Variants in PAPOLG observed in about 807,000 individuals in gnomAD.
PAPOLG encodes poly(A) polymerase gamma.
PAPOLG carries 40 observed loss-of-function variants against 99.0 expected under a neutral mutation model. The ratio of observed to expected loss-of-function variants is 0.40; its 90% CI spans 0.31 to 0.53. The LOEUF is 0.53. PAPOLG is among the 20% of genes least tolerant of loss of function. The pLI, the probability that PAPOLG is intolerant of heterozygous loss-of-function variation, is 0.41. For synonymous variants in PAPOLG, 310 were observed against 299.3 expected, an observed-to-expected ratio of 1.04 and a Z score of -0.37; for missense variants, 675 against 884.1, an observed-to-expected ratio of 0.76 and a Z score of 3.00.
intron 7 of PAPOLG, among the ~76,000 whole-genome samples, chr2:60,773,163 G>T (rs1386199096): frequency 6.6e-6 from 1 of 152,140 alleles, no homozygotes; most frequent in Non-Finnish European, 1.5e-5. Flanking sequence ...TCGATATCAG[G>T]TGATGCCAAC....
At chr2:60,776,300 G>T (rs1270114619) in intron 8 of PAPOLG, among the ~76,000 whole-genome samples, 1 of 151,572 alleles carries the variant, frequency 6.6e-6, no homozygotes, top group Non-Finnish European at 1.5e-5. Flanking sequence ...AAACCATGCT[G>T]TCAACAGCTG....
intron 13 of PAPOLG, among the ~76,000 whole-genome samples, chr2:60,786,430 C>G (rs1402338869): frequency 6.6e-6 from 1 of 152,064 alleles, no homozygotes; most frequent in Non-Finnish European, 1.5e-5. Flanking sequence ...AGGGTTTCAC[C>G]ATGTTGGCCA....
Position 60,760,202 on chromosome 2 carries a change from C to T in PAPOLG, c.86C>T (p.Ser29Phe). ...YGITSPISLA[S>F]PKEIDHIYTQ... ...ATTACCTCCCCAATTAGTTTGGCATCTCCTAAAGAAATTGATCATATTTAC... is the reference window on the plus strand; with the variant it reads ...ATTACCTCCCCAATTAGTTTGGCATTTCCTAAAGAAATTGATCATATTTAC... Residue 29 changes from serine (S) to phenylalanine (F), a missense_variant, in exon 2 of 22, where the codon TCT (serine) becomes TTT (phenylalanine). Physicochemically the swap from Ser to Phe is radical, Grantham distance 155. Transcript: ENST00000238714. 6.2e-7 allele frequency: 1 copy of T among 1,613,692 alleles called. No individual in the cohort carries two copies. Among genetic ancestry groups the T allele is most frequent in the South Asian group, 1.1e-5 (1 of 91,078 alleles).
Position 60,775,073 on chromosome 2 carries a change from A to G in PAPOLG, c.644A>G (p.Asn215Ser). The G allele has an allele frequency of 6.2e-7, 1 of 1,613,596 alleles. No individual in the cohort carries two copies. Among genetic ancestry groups the G allele is most frequent in the Non-Finnish European group, 8.5e-7 (1 of 1,179,842 alleles). ...GATGAAATTTTGCATTTAGTGCCAAATAAAGAAACTTTTAGACTCACCCTA... is the reference window on the plus strand; with the variant it reads ...GATGAAATTTTGCATTTAGTGCCAAGTAAAGAAACTTTTAGACTCACCCTA... ...VTDEILHLVPNKETFRLTLRA... is the reference protein window; with the variant it reads ...VTDEILHLVPSKETFRLTLRA... Residue 215 changes from asparagine (N) to serine (S), a missense_variant, in exon 8 of 22, where the codon AAT (asparagine) becomes AGT (serine). By Grantham distance (46) the Asn-to-Ser change is conservative (BLOSUM62 1). This residue lies in a region of PAPOLG where 113 missense variants were observed against 231.5 expected (regional missense o/e 0.49). Coordinates refer to ENST00000238714, the MANE Select transcript of PAPOLG (RefSeq NM_022894.4).
intron 7 of PAPOLG, among the ~76,000 whole-genome samples, chr2:60,774,600 A>G (rs1481683408): frequency 1.3e-5 from 2 of 152,142 alleles, no homozygotes; most frequent in Admixed American, 6.6e-5. Context: ...GCCTGACCTC[A>G]GGTGATCCAC....
chr2:60,761,828 G>T (rs199784649), intron 3 of PAPOLG, 21 bp downstream of exon 3: 1 of 1,502,556 alleles, frequency 6.7e-7, no homozygotes, highest in Non-Finnish European at 9.2e-7. Context: ...AAACTATGTG[G>T]AATTCTTGTT....
chr2:60,762,448 C>T (rs900410629), intron 3 of PAPOLG, among the ~76,000 whole-genome samples: 20 of 151,978 alleles, frequency 1.3e-4, no homozygotes, highest in Non-Finnish European at 2.9e-5. Context: ...TCCAAAGATA[C>T]TAAAATCTGT....
intron 21 of PAPOLG, among the ~76,000 whole-genome samples, chr2:60,795,606 C>T (rs796985355): frequency 2.0e-5 from 3 of 151,268 alleles, no homozygotes; most frequent in African/African-American, 7.3e-5. Context: ...AAAACCTTCT[C>T]TGAGAGTTTA....
At chr2:60,758,491 G>A (rs979758951) in intron 1 of PAPOLG, among the ~76,000 whole-genome samples, 11 of 146,190 alleles carry the variant, frequency 7.5e-5, no homozygotes, top group South Asian at 4.3e-4. Flanking sequence ...GTGGTGGCGC[G>A]ATCTTGGTTC....
At chr2:60,782,032 A>G in intron 11 of PAPOLG, 27 bp downstream of exon 11, 1 of 1,605,208 alleles carries the variant, frequency 6.2e-7, no homozygotes, top group Non-Finnish European at 8.5e-7. Context: ...GTTGCCCTTT[A>G]CATATTCCCA....
chr2:60,779,992 G>C (rs1671139976), intron 9 of PAPOLG, among the ~76,000 whole-genome samples: 1 of 152,214 alleles, frequency 6.6e-6, no homozygotes, highest in African/African-American at 2.4e-5. Flanking sequence ...TGGGAGAGCA[G>C]TTAAAATAAG....
At chr2:60,767,771 C>G (rs975547058) in intron 3 of PAPOLG, among the ~76,000 whole-genome samples, 6 of 152,202 alleles carry the variant, frequency 3.9e-5, no homozygotes, top group African/African-American at 1.4e-4. Flanking sequence ...TGGGATTGGC[C>G]AAGAGTGTTA....
chr2:60,777,141 C>A (rs1409374157), intron 8 of PAPOLG, among the ~76,000 whole-genome samples: 1 of 152,124 alleles, frequency 6.6e-6, no homozygotes, highest in African/African-American at 2.4e-5. Context: ...CTTGTTTGAT[C>A]TTCCATCCAG....
intron 10 of PAPOLG, 109 bp from the exon 11 acceptor site, chr2:60,781,776 G>A: frequency 7.0e-7 from 1 of 1,433,742 alleles, no homozygotes; most frequent in African/African-American, 1.4e-5. Context: ...TAAACTTGAG[G>A]AAATGTAGTA....
At chr2:60,759,028 C>T (rs1444663146) in intron 1 of PAPOLG, among the ~76,000 whole-genome samples, 1 of 152,062 alleles carries the variant, frequency 6.6e-6, no homozygotes, top group Non-Finnish European at 1.5e-5. Context: ...CCTGTTGGTC[C>T]CAGAATTTAT....
chr2:60,787,424 G>T, intron 14 of PAPOLG, 87 bp from the exon 15 acceptor site: 1 of 1,452,716 alleles, frequency 6.9e-7, no homozygotes, highest in South Asian at 1.4e-5. Flanking sequence ...TAGAGACATA[G>T]AGACCAAGTT....
intron 3 of PAPOLG, among the ~76,000 whole-genome samples, chr2:60,762,758 C>G (rs1315339364): frequency 2.6e-5 from 4 of 151,988 alleles, no homozygotes; most frequent in African/African-American, 9.7e-5. Context: ...TCCCGAGTAG[C>G]TGGGACTACA....
At chr2:60,770,118 C>T (rs768297672) in intron 5 of PAPOLG, among the ~76,000 whole-genome samples, 10 of 152,030 alleles carry the variant, frequency 6.6e-5, no homozygotes, top group Admixed American at 3.9e-4. Context: ...TGGCTGCAGA[C>T]GATAGCAGTT....
At chr2:60,760,088 A>G in intron 1 of PAPOLG, 46 bp from the exon 2 acceptor site, 1 of 1,568,410 alleles carries the variant, frequency 6.4e-7, no homozygotes, top group African/African-American at 1.4e-5. Flanking sequence ...TCAGTATGGT[A>G]TATACTTTAA....
Sources: gnomAD v4.1 joint callset for allele counts (sites outside exome capture counted in the v4.1 genomes callset) on GRCh38, gnomAD v4.1.1 for gene constraint, gnomAD v4.1.1 regional missense constraint, MANE v1.5 for transcripts, NCBI Gene and HGNC (gene_info 2026-07-23, HGNC 2026-07-21) for gene names.